The following ASPH variants were observed in gnomAD, a reference collection of about 807,000 sequenced individuals.
ASPH encodes aspartate beta-hydroxylase.
In ASPH, 100 loss-of-function variants were observed where a neutral mutation model predicts 118.4. That is an observed-to-expected ratio of 0.84 (90% CI 0.72 to 1.00). The LOEUF (loss-of-function observed/expected upper bound fraction) is 1.00. ASPH is among the 50% of genes least tolerant of loss of function. ASPH has a pLI of 0.00. For missense variants in ASPH, 920 were observed against 919.5 expected, an observed-to-expected ratio of 1.00 and a Z score of -0.01; for synonymous variants, 315 against 325.6, an observed-to-expected ratio of 0.97 and a Z score of 0.35.
chr8:61,628,374 GC>G (rs1362651740), intron 13 of ASPH: 8 of 254,476 alleles, frequency 3.1e-5, no homozygotes, highest in Non-Finnish European at 1.4e-5. Context: ...TCACTATGTT[GC>G]CCAGGCTGGT....
chr8:61,688,584 T>A (rs891313245), intron 1 of ASPH, among the ~76,000 whole-genome samples: 1 of 152,218 alleles, frequency 6.6e-6, no homozygotes, highest in Non-Finnish European at 1.5e-5. Flanking sequence ...AAGTTTTAGT[T>A]AGCATTATGT....
chr8:61,567,115 T>C, intron 17 of ASPH, 53 bp downstream of exon 17: 1 of 1,583,588 alleles, frequency 6.3e-7, no homozygotes, highest in Non-Finnish European at 8.6e-7. Context: ...TTCAGCTTCT[T>C]CAAGATAAAA....
intron 5 of ASPH, among the ~76,000 whole-genome samples, chr8:61,649,990 C>T (rs1810086733): frequency 6.6e-6 from 1 of 152,168 alleles, no homozygotes; most frequent in Non-Finnish European, 1.5e-5. Context: ...GCTTAAAACA[C>T]TCACCACCAG....
intron 21 of ASPH, among the ~76,000 whole-genome samples, chr8:61,540,165 C>A (rs1821318067): frequency 6.6e-6 from 1 of 152,142 alleles, no homozygotes; most frequent in Admixed American, 6.5e-5. Context: ...AGTGCTAGAG[C>A]TGCCAAATTA....
At chr8:61,591,701 A>G (rs1460184329) in intron 14 of ASPH, among the ~76,000 whole-genome samples, 1 of 152,146 alleles carries the variant, frequency 6.6e-6, no homozygotes, top group Admixed American at 6.5e-5. Context: ...AGCCTTCTAG[A>G]CATGTGTGAC....
chr8:61,710,439 A>T (rs1357741163), intron 1 of ASPH, among the ~76,000 whole-genome samples: 2 of 152,220 alleles, frequency 1.3e-5, no homozygotes, highest in Non-Finnish European at 2.9e-5. Context: ...TCATACATTC[A>T]TTTTCTAATA....
chr8:61,668,209 G>A lies in ASPH; in HGVS notation c.322+12759C>T, dbSNP rs532697140. 7.2e-5 allele frequency: 114 copies of A among 1,587,376 alleles called. 1 individual carries two copies. The South Asian group carries it at 1.1e-3, about 15-fold the overall frequency. On this transcript the variant is annotated intron_variant, in intron 3 of 24. Transcript: ENST00000379454. ...CAAACATTAAACTTGATTCACTCAA[G>A]GCTAATTTGAAAAAATGAAAATACC... is the stretch of plus-strand genomic sequence containing the variant.
At chr8:61,708,884 C>A (rs531764108) in intron 1 of ASPH, among the ~76,000 whole-genome samples, 13 of 140,862 alleles carry the variant, frequency 9.2e-5, no homozygotes, top group Non-Finnish European at 1.7e-4. Context: ...CCCAGCCCCC[C>A]ACCCCTCAAC....
chr8:61,689,832 G>C, intron 1 of ASPH: 1 of 1,412,864 alleles, frequency 7.1e-7, no homozygotes, highest in African/African-American at 1.5e-5. Context: ...TGCACTGTAA[G>C]GGCCTCTAGA....
intron 3 of ASPH, among the ~76,000 whole-genome samples, chr8:61,676,801 C>T (rs374257622): frequency 1.4e-4 from 21 of 152,064 alleles, no homozygotes; most frequent in African/African-American, 4.8e-4. Context: ...GGTTTATTTC[C>T]TCAAACTTCT....
intron 21 of ASPH, among the ~76,000 whole-genome samples, chr8:61,527,741 T>C (rs930884795): frequency 3.3e-5 from 5 of 151,762 alleles, no homozygotes; most frequent in African/African-American, 1.2e-4. Flanking sequence ...GTGAGGAGTG[T>C]TGGGAGCAAG....
intron 24 of ASPH, among the ~76,000 whole-genome samples, chr8:61,504,690 T>C (rs990390678): frequency 6.6e-6 from 1 of 152,146 alleles, no homozygotes; most frequent in Admixed American, 6.5e-5. Context: ...GCATTCCCTA[T>C]ACCATGAGGT....
chr8:61,580,083 T>C (rs1299974348), intron 15 of ASPH, among the ~76,000 whole-genome samples: 2 of 152,136 alleles, frequency 1.3e-5, no homozygotes, highest in East Asian at 1.9e-4. Flanking sequence ...TGGGCTCTCA[T>C]GGTCTTGGGC....
At chr8:61,543,474 T>C (rs1357253190) in intron 21 of ASPH, among the ~76,000 whole-genome samples, 1 of 152,216 alleles carries the variant, frequency 6.6e-6, no homozygotes, top group African/African-American at 2.4e-5. Flanking sequence ...TTTTATAATT[T>C]CTGTCTCTTC....
intron 3 of ASPH, among the ~76,000 whole-genome samples, chr8:61,662,422 C>T (rs1221757800): frequency 2.6e-5 from 4 of 152,022 alleles, no homozygotes; most frequent in African/African-American, 7.2e-5. Flanking sequence ...TTTTTTGTCC[C>T]GTTGTAGCTG....
chr8:61,524,234 A>G (rs983407680), intron 22 of ASPH, among the ~76,000 whole-genome samples: 4 of 152,234 alleles, frequency 2.6e-5, no homozygotes, highest in African/African-American at 7.2e-5. Context: ...AAAATACCAT[A>G]TATTACAGTG....
chr8:61,534,488 A>T (rs1423722718), intron 21 of ASPH, among the ~76,000 whole-genome samples: 4 of 152,188 alleles, frequency 2.6e-5, no homozygotes, highest in African/African-American at 9.6e-5. Context: ...TAAAAAAAAA[A>T]GTATCAGCAT....
At chr8:61,651,708 A>G (rs1300972405) in intron 4 of ASPH, among the ~76,000 whole-genome samples, 1 of 152,244 alleles carries the variant, frequency 6.6e-6, no homozygotes, top group Non-Finnish European at 1.5e-5. Flanking sequence ...TCAGCTTTGG[A>G]GAACCACATC....
At chr8:61,549,819 AT>A (rs1825246154) in intron 20 of ASPH, among the ~76,000 whole-genome samples, 1 of 152,234 alleles carries the variant, frequency 6.6e-6, no homozygotes, top group African/African-American at 2.4e-5. Context: ...GATAAAGTGT[AT>A]TGCTAGAATA....
Sources: allele counts gnomAD v4.1 joint callset (sites outside exome capture counted in the v4.1 genomes callset), GRCh38; gene constraint gnomAD v4.1.1; transcripts MANE v1.5; gene names NCBI Gene and HGNC (gene_info 2026-07-23, HGNC 2026-07-21).